The following R3HCC1L variants were observed in gnomAD, a reference collection of about 807,000 sequenced individuals.
R3HCC1L encodes R3H domain and coiled-coil containing 1 like.
In R3HCC1L, 51 loss-of-function variants were observed where a neutral mutation model predicts 59.9. The observed-to-expected ratio is 0.85, with a 90% CI of 0.68 to 1.07. The LOEUF (loss-of-function observed/expected upper bound fraction) is 1.07. R3HCC1L is among the 50% of genes least tolerant of loss of function. The pLI, the probability that R3HCC1L is intolerant of heterozygous loss-of-function variation, is 0.00. For synonymous variants in R3HCC1L, 322 were observed against 315.2 expected (o/e 1.02, Z -0.23); for missense variants, 965 against 933.0 (o/e 1.03, Z -0.45).
At chr10:98,161,261 G>A (rs186862922) in intron 2 of R3HCC1L, among the ~76,000 whole-genome samples, 2 of 152,134 alleles carry the variant, frequency 1.3e-5, no homozygotes, top group Admixed American at 1.3e-4. Context: ...TTTAATGTTT[G>A]TTTCTCTTGT....
chr10:98,229,639 G>C (rs571415191), intron 5 of R3HCC1L, among the ~76,000 whole-genome samples: 150 of 152,286 alleles, frequency 9.8e-4, no homozygotes, highest in Middle Eastern at 3.4e-3. Context: ...TGGTGAGAGA[G>C]GGCATCCCTG....
intron 2 of R3HCC1L, among the ~76,000 whole-genome samples, chr10:98,159,953 G>GTT (rs1847239476): frequency 6.6e-6 from 1 of 152,204 alleles, no homozygotes; most frequent in South Asian, 2.1e-4. Context: ...AAATGTGTGT[G>GTT]TTTGTATGTG....
chr10:98,150,975 G>T lies in R3HCC1L; in HGVS notation c.-267-5118G>T, dbSNP rs11189493. Among the ~76,000 whole-genome samples, 57 of 152,206 alleles carry T rather than the reference G, an allele frequency of 3.7e-4. No individual in the cohort carries two copies. The East Asian group carries it at 0.01, about 28-fold the overall frequency. ...TTTTCCGGTGTAGTGATTGTGAGTC[G>T]GGGGGAAATTTTCTGCATTCTTGGT... On this transcript the variant is annotated intron_variant, in intron 1 of 9. Transcript: ENST00000298999.
At chr10:98,223,743 A>G (rs1009076035) in intron 5 of R3HCC1L, among the ~76,000 whole-genome samples, 3 of 152,092 alleles carry the variant, frequency 2.0e-5, no homozygotes, top group African/African-American at 7.2e-5. Context: ...GGTAGAGGCC[A>G]GTCCTTGGAC....
chr10:98,222,919 A>G (rs1460305267), intron 5 of R3HCC1L, among the ~76,000 whole-genome samples: 2 of 152,236 alleles, frequency 1.3e-5, no homozygotes, highest in Non-Finnish European at 2.9e-5. Flanking sequence ...ACCTCTACGC[A>G]AATAAACTGG....
intron 5 of R3HCC1L, among the ~76,000 whole-genome samples, chr10:98,224,518 G>A (rs1434033836): frequency 6.6e-6 from 1 of 152,156 alleles, no homozygotes; most frequent in Non-Finnish European, 1.5e-5. Context: ...TAGGCCCTAA[G>A]TGTCTTCAAA....
intron 1 of R3HCC1L, among the ~76,000 whole-genome samples, chr10:98,145,361 G>A (rs571134676): frequency 3.3e-5 from 5 of 152,278 alleles, no homozygotes; most frequent in African/African-American, 9.6e-5. Flanking sequence ...TCAGAATACC[G>A]CAAAATTTTG....
At chr10:98,211,922 A>G (rs1265075500) in intron 5 of R3HCC1L, among the ~76,000 whole-genome samples, 1 of 152,170 alleles carries the variant, frequency 6.6e-6, no homozygotes, top group East Asian at 1.9e-4. Context: ...CGAGGAGCAT[A>G]GTAACATAAA....
At chr10:98,203,106 G>T (rs1852229815) in intron 4 of R3HCC1L, among the ~76,000 whole-genome samples, 1 of 152,154 alleles carries the variant, frequency 6.6e-6, no homozygotes, top group South Asian at 2.1e-4. Flanking sequence ...TGTTAAATAT[G>T]CTGACTTTGA....
At chr10:98,201,469 A>G (rs944164987) in intron 4 of R3HCC1L, among the ~76,000 whole-genome samples, 1 of 152,236 alleles carries the variant, frequency 6.6e-6, no homozygotes, top group Admixed American at 6.5e-5. Context: ...ACTTAAAGAT[A>G]TTATTCAGAA....
intron 5 of R3HCC1L, among the ~76,000 whole-genome samples, chr10:98,218,635 A>G (rs956607785): frequency 2.6e-5 from 4 of 152,250 alleles, no homozygotes; most frequent in African/African-American, 9.6e-5. Context: ...TGTGCTGATG[A>G]GAATGTATCC....
chr10:98,185,255 G>A lies in R3HCC1L; in HGVS notation c.-15+21858G>A, dbSNP rs552523802. On this transcript the variant is annotated intron_variant, in intron 4 of 9. Coordinates refer to ENST00000298999, the MANE Select transcript of R3HCC1L (RefSeq NM_001351015.2). ...TAAAAAAGTCAAGTCTGTGCTATGT[G>A]TCTAGGCCCTGTGCTCAGTGTTGGG... Among the ~76,000 whole-genome samples, 49 of 152,228 alleles carry A rather than the reference G, an allele frequency of 3.2e-4. No homozygotes were observed. In the South Asian group the frequency reaches 0.01, roughly 32 times the overall value.
intron 4 of R3HCC1L, among the ~76,000 whole-genome samples, chr10:98,170,383 A>G (rs1454302631): frequency 6.6e-6 from 1 of 152,074 alleles, no homozygotes; most frequent in African/African-American, 2.4e-5. Flanking sequence ...TGTCACAATC[A>G]TAGTTCACTG....
intron 5 of R3HCC1L, among the ~76,000 whole-genome samples, chr10:98,210,885 T>C (rs1336141918): frequency 6.6e-6 from 1 of 152,150 alleles, no homozygotes; most frequent in Non-Finnish European, 1.5e-5. Context: ...GCTGGAAGTA[T>C]AGAAAAATTA....
At chr10:98,216,730 G>A (rs1854250032) in intron 5 of R3HCC1L, among the ~76,000 whole-genome samples, 1 of 151,958 alleles carries the variant, frequency 6.6e-6, no homozygotes, top group Non-Finnish European at 1.5e-5. Context: ...ATACCACCAT[G>A]CCTGTCTAAT....
At position 98,159,231 on chromosome 10, in the gene R3HCC1L, ATTG is replaced by A. The variant is rs138207858; in HGVS notation, c.-213+3087_-213+3089del. On this transcript the variant is annotated intron_variant, in intron 2 of 9. Coordinates refer to ENST00000298999, the MANE Select transcript of R3HCC1L (RefSeq NM_001351015.2). ...ATTTTTGGCAGGAATACCGCAAAGTATTGTTATGCTTTTACATCATATCAGGAG... is the reference window on the plus strand; with the variant it reads ...ATTTTTGGCAGGAATACCGCAAAGTATTATGCTTTTACATCATATCAGGAG... 5.9e-3 allele frequency among the ~76,000 whole-genome samples: 898 copies of A among 152,324 alleles called. 5 individuals carry two copies. The highest frequency in any genetic ancestry group is 0.021 in the African/African-American group (861 of 41,584).
Position 98,208,416 on chromosome 10 carries a change from C to G in R3HCC1L, c.302C>G (p.Thr101Arg). 2 of 1,613,778 alleles carry G rather than the reference C, an allele frequency of 1.2e-6. No homozygotes were observed. The highest frequency in any genetic ancestry group is 1.7e-6 in the Non-Finnish European group (2 of 1,179,940). ...AGAATGGACACATGCCTTCAAAAAA[C>G]AAATAGAGTTTGTTCTAAGAGAGGA... ...KLRMDTCLQK[T>R]NRVCSKRGTT... Residue 101 changes from threonine to arginine, a missense_variant, in exon 5 of 10, where the codon ACA becomes AGA. Physicochemically the swap from Thr to Arg is moderately conservative, Grantham distance 71 (BLOSUM62 -1). Coordinates refer to ENST00000298999, the MANE Select transcript of R3HCC1L (RefSeq NM_001351015.2).
chr10:98,239,165 G>T (rs558249940), intron 9 of R3HCC1L, among the ~76,000 whole-genome samples: 3 of 152,160 alleles, frequency 2.0e-5, no homozygotes, highest in Non-Finnish European at 4.4e-5. Flanking sequence ...ATGTAAAAAT[G>T]TTTGGAAAAG....
intron 4 of R3HCC1L, among the ~76,000 whole-genome samples, chr10:98,207,532 A>G (rs1852828525): frequency 6.6e-6 from 1 of 152,190 alleles, no homozygotes; most frequent in South Asian, 2.1e-4. Context: ...TAATAGAATA[A>G]TACTTTTCTC....
Sources: allele counts gnomAD v4.1 joint callset (sites outside exome capture counted in the v4.1 genomes callset), GRCh38; gene constraint gnomAD v4.1.1; transcripts MANE v1.5; gene names NCBI Gene and HGNC (gene_info 2026-07-23, HGNC 2026-07-21).